Variants in ADGRL2 observed in about 807,000 individuals in gnomAD.
ADGRL2 encodes the protein calcium-independent alpha-latrotoxin receptor 2.
Under a neutral mutation model 157.4 loss-of-function variants are expected in ADGRL2, and 44 were observed. The ratio of observed to expected loss-of-function variants is 0.28; its 90% CI spans 0.22 to 0.36. The LOEUF (loss-of-function observed/expected upper bound fraction) is 0.36, where lower values mean the gene tolerates loss of function less well. Ranked by LOEUF, ADGRL2 falls within the 10% of genes least tolerant of loss-of-function variation. The pLI is 1.00. For synonymous variants in ADGRL2, 585 were observed against 624.7 expected (o/e 0.94, Z 0.95); for missense variants, 1,510 against 1,768.9 (o/e 0.85, Z 2.63).
chr1:81,818,429 T>C (rs1571408393), intron 1 of ADGRL2, among the ~76,000 whole-genome samples: 1 of 152,194 alleles, frequency 6.6e-6, no homozygotes, highest in Non-Finnish European at 1.5e-5. Flanking sequence ...GCACATGTGG[T>C]TTTAAAAATT....
At chr1:81,803,709 A>T (rs947920922) in intron 1 of ADGRL2, among the ~76,000 whole-genome samples, 1 of 151,772 alleles carries the variant, frequency 6.6e-6, no homozygotes, top group African/African-American at 2.4e-5. Flanking sequence ...TACCAACCAT[A>T]TGGTTCCCGT....
rs1027061078 is a variant in ADGRL2 at position 81,694,419 on chromosome 1, A to C, written c.-142-67392A>C. ...TTATAGATGAGATAATATATATAAA[A>C]TGTTTAGCACACTATCTGGTACATA... On this transcript the variant is annotated intron_variant, in intron 3 of 24. Coordinates refer to the ADGRL2 transcript ENST00000370721. 3.6e-4 allele frequency among the ~76,000 whole-genome samples: 54 copies of C among 151,988 alleles called. 1 individual carries two copies. The highest frequency in any genetic ancestry group is 1.3e-3 in the African/African-American group (54 of 41,456).
intron 2 of ADGRL2, among the ~76,000 whole-genome samples, chr1:81,845,548 T>C (rs1430740327): frequency 1.3e-5 from 2 of 152,100 alleles, no homozygotes; most frequent in Non-Finnish European, 2.9e-5. Context: ...TAAATTAAAT[T>C]TGTAATTTGG....
chr1:81,407,795 G>C (rs558920753), intron 1 of ADGRL2, among the ~76,000 whole-genome samples: 1 of 152,164 alleles, frequency 6.6e-6, no homozygotes, highest in Non-Finnish European at 1.5e-5. Context: ...ATGAAATAGG[G>C]GAAGGAGAAA....
chr1:81,987,521 TA>T, intron 22 of ADGRL2: 1 of 600,908 alleles, frequency 1.7e-6, no homozygotes, highest in Non-Finnish European at 3.0e-6. Flanking sequence ...TCTTTTTTCT[TA>T]AGAAAAATTT....
At chr1:81,988,217 G>C (rs1033838878) in intron 23 of ADGRL2, among the ~76,000 whole-genome samples, 1 of 152,110 alleles carries the variant, frequency 6.6e-6, no homozygotes, top group African/African-American at 2.4e-5. Context: ...GCTACAGGCT[G>C]TGGAAAATCT....
intron 2 of ADGRL2, among the ~76,000 whole-genome samples, chr1:81,899,576 C>G: frequency 6.6e-6 from 1 of 152,116 alleles, no homozygotes; most frequent in East Asian, 1.9e-4. Context: ...CTAAGCACCG[C>G]TATTTGGTGG....
chr1:81,721,676 C>T, intron 1 of ADGRL2: 6 of 1,141,010 alleles, frequency 5.3e-6, no homozygotes, highest in Non-Finnish European at 7.8e-6. Context: ...TTCAGCTTCG[C>T]CCACTGCTTC....
intron 11 of ADGRL2, among the ~76,000 whole-genome samples, chr1:81,957,883 C>T (rs1654079869): frequency 1.3e-5 from 2 of 150,354 alleles, no homozygotes; most frequent in South Asian, 4.2e-4. Context: ...AGTCATTTTA[C>T]GGCCGGGCAT....
intron 3 of ADGRL2, among the ~76,000 whole-genome samples, chr1:81,642,248 CAAAAAAAAAA>C (rs35830955): frequency 1.6e-5 from 1 of 61,632 alleles, no homozygotes; most frequent in African/African-American, 6.3e-5. Context: ...ACTCTGTCTC[CAAAAAAAAAA>C]AAAAAAAAAA....
rs114600808 is a variant in ADGRL2, at chr1:81,592,986, T to G, written c.-143+12006T>G. On this transcript the variant is annotated intron_variant, in intron 3 of 24. Coordinates refer to the ADGRL2 transcript ENST00000370721. ...GACAACCCATTTATCCCAATTACAC[T>G]TCTGTTTATGACCTAGAAGCATTTT... 5.0e-3 allele frequency among the ~76,000 whole-genome samples: 758 copies of G among 152,266 alleles called. 6 individuals carry two copies. Among genetic ancestry groups the G allele is most frequent in the African/African-American group, 0.018 (729 of 41,558 alleles).
rs1312933829 is a variant in ADGRL2 at position 81,427,073 on chromosome 1, A to T, written c.-301-17963A>T. ...ACACTATTAATGGGCATAATTGTGA[A>T]GTGAAAAGGCCCTTTCTAAACAAGA... On this transcript the variant is annotated intron_variant, in intron 1 of 24. Coordinates refer to the ADGRL2 transcript ENST00000370721. The T allele has an allele frequency of 1.2e-5, 17 of 1,436,260 alleles. No individual in the cohort carries two copies. The East Asian group carries it at 3.6e-4, about 31-fold the overall frequency. 89.0% of individuals were successfully genotyped at this position (1,436,260 alleles called of 1,614,324 possible).
intron 2 of ADGRL2, among the ~76,000 whole-genome samples, chr1:81,537,183 A>T (rs887102391): frequency 6.6e-6 from 1 of 152,254 alleles, no homozygotes; most frequent in Non-Finnish European, 1.5e-5. Flanking sequence ...ACATATGCAT[A>T]TAACTAGAAA....
intron 1 of ADGRL2, among the ~76,000 whole-genome samples, chr1:81,749,210 C>T (rs2085411106): frequency 6.6e-6 from 1 of 152,108 alleles, no homozygotes; most frequent in African/African-American, 2.4e-5. Flanking sequence ...TGCTATCTTT[C>T]CAGACCTTAC....
intron 3 of ADGRL2, among the ~76,000 whole-genome samples, chr1:81,625,928 T>A (rs2081900145): frequency 6.6e-6 from 1 of 152,162 alleles, no homozygotes; most frequent in Admixed American, 6.5e-5. Context: ...GTTCCTTATT[T>A]TAAAAAGCTG....
intron 2 of ADGRL2, among the ~76,000 whole-genome samples, chr1:81,566,544 C>T (rs1001313939): frequency 6.6e-6 from 1 of 152,136 alleles, no homozygotes; most frequent in Admixed American, 6.6e-5. Flanking sequence ...CCCCACTTTA[C>T]ATGGAACTCT....
intron 1 of ADGRL2, among the ~76,000 whole-genome samples, chr1:81,328,335 T>C (rs1480200263): frequency 1.3e-5 from 2 of 152,118 alleles, no homozygotes; most frequent in Admixed American, 1.3e-4. Context: ...AGATCTTCCT[T>C]GACACCAGAA....
chr1:81,962,457 T>C (rs1655734363), intron 11 of ADGRL2, among the ~76,000 whole-genome samples: 2 of 152,332 alleles, frequency 1.3e-5, no homozygotes, highest in East Asian at 1.9e-4. Context: ...TTTTATCTTT[T>C]TAAAAGGAAT....
chr1:81,449,029 T>A (rs2077656804), intron 2 of ADGRL2, among the ~76,000 whole-genome samples: 1 of 152,232 alleles, frequency 6.6e-6, no homozygotes, highest in African/African-American at 2.4e-5. Flanking sequence ...CATTTCAGTA[T>A]AATAAATTAT....
Sources: allele counts gnomAD v4.1 joint callset (sites outside exome capture counted in the v4.1 genomes callset), GRCh38; gene constraint gnomAD v4.1.1; transcripts MANE v1.5; gene names NCBI Gene and HGNC (gene_info 2026-07-23, HGNC 2026-07-21).